The following NLRP10 variants were observed in gnomAD, a reference collection of about 807,000 sequenced individuals.
NLRP10 encodes NACHT, LRR and PYD domains-containing protein 10.
Under a neutral mutation model 8.2 loss-of-function variants are expected in NLRP10, and 7 were observed. That is an observed-to-expected ratio of 0.85 (90% CI 0.48 to 1.60). NLRP10 has a LOEUF of 1.60. NLRP10 is among the 40% of genes most tolerant of loss of function. NLRP10 has a pLI of 0.00. For synonymous variants in NLRP10, 338 were observed against 314.0 expected, an observed-to-expected ratio of 1.08 and a Z score of -0.81; for missense variants, 814 against 776.3, an observed-to-expected ratio of 1.05 and a Z score of -0.58.
intron 1 of NLRP10, among the ~76,000 whole-genome samples, chr11:7,963,884 C>T (rs1941777140): frequency 6.6e-6 from 1 of 151,094 alleles, no homozygotes; most frequent in Non-Finnish European, 1.5e-5. Flanking sequence ...CTGTATGCCT[C>T]CTTAGACGGA....
rs748911831 is a variant in NLRP10 at position 7,960,793 on chromosome 11, C to T, written c.819G>A (p.Leu273=). Residue 273 remains leucine (L), a synonymous_variant, in exon 3 of 3, where the codon CTG becomes CTA. Transcript: ENST00000691676. ...TATGTCTCCTAATTAGAAGGTGCAG[C>T]AGGCTCTCCTTGGGACTCAAACCCC... ...KKRGLSPKES[L]LHLLIRRHTL... is the part of the protein sequence containing the mutation. 3.1e-6 allele frequency: 5 copies of T among 1,614,004 alleles called. No individual in the cohort carries two copies. The African/African-American group carries it at 5.3e-5, about 17-fold the overall frequency.
chr11:7,961,394 A>T, intron 2 of NLRP10, 72 bp from the exon 3 acceptor site: 1 of 948,112 alleles, frequency 1.1e-6, no homozygotes, highest in Non-Finnish European at 1.6e-6. Flanking sequence ...CTCCAAACTG[A>T]CTCTGCTCAT....
chr11:7,958,239 G>T lies in NLRP10; in HGVS notation c.*1405C>A, dbSNP rs1941653189. Among the ~76,000 whole-genome samples, 1 of 152,154 alleles carries T rather than the reference G, an allele frequency of 6.6e-6. No homozygotes were observed. The highest frequency in any genetic ancestry group is 6.5e-5 in the Admixed American group (1 of 15,282). ...AACTCACTTGGGTTAATATCTAGGA[G>T]CATAATTGCTAGATCTTACATATAG... On this transcript the variant is annotated 3_prime_UTR_variant, in exon 3 of 3. Coordinates refer to ENST00000691676, the MANE Select transcript of NLRP10 (RefSeq NM_001391958.1).
chr11:7,961,591 T>A (rs1941731552), intron 2 of NLRP10, among the ~76,000 whole-genome samples: 1 of 152,194 alleles, frequency 6.6e-6, no homozygotes, highest in Admixed American at 6.5e-5. Flanking sequence ...GGTATCCACA[T>A]GTGCTCGTGG....
At chr11:7,961,873 GGGCCTAGT>G (rs1026645436) in intron 2 of NLRP10, among the ~76,000 whole-genome samples, 1 of 152,192 alleles carries the variant, frequency 6.6e-6, no homozygotes, top group African/African-American at 2.4e-5. Flanking sequence ...GTTGGAGGCA[GGGCCTAGT>G]GGGAGTTGTT....
chr11:7,960,485 T>A lies in NLRP10; in HGVS notation c.1127A>T (p.Glu376Val). 1.2e-6 allele frequency: 2 copies of A among 1,614,142 alleles called. No individual in the cohort carries two copies. The highest frequency in any genetic ancestry group is 1.7e-6 in the Non-Finnish European group (2 of 1,180,024). ...GQMERGKVVL[E>V]TPRNSTDIFM... is the part of the protein sequence containing the mutation. ...GATGTCAGTGCTGTTTCTAGGTGTCTCTAAGACAACTTTGCCTCTCTCCAT... is the reference window on the plus strand; with the variant it reads ...GATGTCAGTGCTGTTTCTAGGTGTCACTAAGACAACTTTGCCTCTCTCCAT... The change falls in exon 3 of 3, where the codon GAG becomes GTG. Residue 376 changes from glutamate (E) to valine (V), a missense_variant. Transcript: ENST00000691676.
rs1302605892 is a variant in NLRP10, at chr11:7,960,546, T to A, written c.1066A>T (p.Ile356Phe). 9 of 1,614,036 alleles carry A rather than the reference T, an allele frequency of 5.6e-6. No homozygotes were observed. Among genetic ancestry groups the A allele is most frequent in the Non-Finnish European group, 7.6e-6 (9 of 1,180,042 alleles). Residue 356 changes from isoleucine to phenylalanine, a missense_variant, in exon 3 of 3, where the codon ATT becomes TTT. Transcript: ENST00000691676. Reference protein sequence around the residue: ...ILYKACQVPGICWVVCSWLQG... With the variant: ...ILYKACQVPGFCWVVCSWLQG... ...AGCCAGGAGCAGACCACCCAGCAAA[T>A]GCCTGGAACCTGACACGCTTTGTAG...
Position 7,959,840 on chromosome 11 carries a change from G to C in NLRP10, c.1772C>G (p.Ser591Ter), listed in dbSNP as rs781634786. Residue 591 changes from serine (S) to a stop codon, truncating the protein, a stop_gained, in exon 3 of 3, where the codon TCA becomes TGA. Coordinates refer to ENST00000691676, the MANE Select transcript of NLRP10 (RefSeq NM_001391958.1). LOFTEE classifies it low-confidence loss of function (END_TRUNC). ...MNNVSFKIKH[S>*]NEKKSQSQNL... ...CTGGCTCTGTGATTTCTTTTCATTTGAATGTTTTATCTTGAATGATACATT... is the reference window on the plus strand; with the variant it reads ...CTGGCTCTGTGATTTCTTTTCATTTCAATGTTTTATCTTGAATGATACATT... 9.9e-6 allele frequency: 16 copies of C among 1,613,494 alleles called. No individual in the cohort carries two copies. The highest frequency in any genetic ancestry group is 3.3e-5 in the Admixed American group (2 of 59,928).
In NLRP10 at chr11:7,960,841, G is replaced by C. The variant is rs776307113; in HGVS notation, c.771C>G (p.Pro257=). ...CCCTCTTCTTCAACTTTTCTTCAAAGGGCCTCTGCAGCTCATCAAAGCCAT... is the reference window on the plus strand; with the variant it reads ...CCCTCTTCTTCAACTTTTCTTCAAACGGCCTCTGCAGCTCATCAAAGCCAT... ...ILDGFDELQR[P]FEEKLKKRGL... is the part of the protein sequence containing the mutation. Residue 257 remains proline (P), a synonymous_variant, in exon 3 of 3, where the codon CCC becomes CCG. Transcript: ENST00000691676. 6.7e-5 allele frequency: 108 copies of C among 1,614,090 alleles called. No individual in the cohort carries two copies. In the Admixed American group the frequency reaches 1.7e-3, roughly 26 times the overall value.
chr11:7,963,447 A>G lies in NLRP10; in HGVS notation c.49T>C (p.Leu17=). The part of the protein sequence containing the change: ...RKPREALLWA[L]SDLEENDFKK... ...AAATCGTTCTCCTCAAGGTCACTCA[A>G]GGCCCAGAGCAATGCCTCCCGGGGC... Residue 17 remains leucine (L), a synonymous_variant, in exon 2 of 3, where the codon TTG becomes CTG. Transcript: ENST00000691676. The G allele has an allele frequency of 6.2e-7, 1 of 1,614,098 alleles. No individual in the cohort carries two copies. The highest frequency in any genetic ancestry group is 8.5e-7 in the Non-Finnish European group (1 of 1,180,030).
rs1286019833 is a variant in NLRP10 at position 7,959,630 on chromosome 11, A to C, written c.*14T>G. On this transcript the variant is annotated 3_prime_UTR_variant, in exon 3 of 3. Transcript: ENST00000691676. ...CATTTTCCTCATAGAGATCTTGTAC[A>C]TATTTAATTAGGTTTATATGTAAGT... The C allele has an allele frequency of 1.5e-6, 2 of 1,305,658 alleles. No individual in the cohort carries two copies. Among genetic ancestry groups the C allele is most frequent in the African/African-American group, 3.0e-5 (2 of 67,302 alleles). 80.9% of individuals were successfully genotyped at this position (1,305,658 alleles called of 1,614,324 possible).
In NLRP10 at chr11:7,961,256, C is replaced by T. The variant is rs372646102; in HGVS notation, c.356G>A (p.Gly119Asp). ...LEEWQEAGVN[G>D]RYNQVLLVAK... ...CACCAGGAGCACCTGGTTGTATCTG[C>T]CATTGACTCCTGCTTCCTGCCATTC... Residue 119 changes from glycine to aspartate, a missense_variant, in exon 3 of 3, where the codon GGC becomes GAC. Coordinates refer to ENST00000691676, the MANE Select transcript of NLRP10 (RefSeq NM_001391958.1). 91 of 1,611,090 alleles carry T rather than the reference C, an allele frequency of 5.6e-5. No homozygotes were observed. Among genetic ancestry groups the T allele is most frequent in the Middle Eastern group, 3.3e-4 (2 of 6,058 alleles).
rs1442127677 is a variant in NLRP10 at position 7,960,396 on chromosome 11, G to A, written c.1216C>T (p.Arg406Trp). The A allele has an allele frequency of 1.2e-6, 2 of 1,613,972 alleles. No homozygotes were observed. Among genetic ancestry groups the A allele is most frequent in the African/African-American group, 1.3e-5 (1 of 75,032 alleles). Reference protein sequence around the residue: ...DDDGGCSELSRHRVLRSLCSL... With the variant: ...DDDGGCSELSWHRVLRSLCSL... ...CACAGACTCCTCAGGACCCTGTGCC[G>A]GGAAAGCTCGGAGCAGCCCCCATCA... is the stretch of plus-strand genomic sequence containing the variant. The change falls in exon 3 of 3, where the codon CGG becomes TGG. Residue 406 changes from arginine to tryptophan, a missense_variant. Physicochemically the swap from Arg to Trp is moderately radical, Grantham distance 101. Coordinates refer to ENST00000691676, the MANE Select transcript of NLRP10 (RefSeq NM_001391958.1).
Position 7,960,925 on chromosome 11 carries a change from G to A in NLRP10, c.687C>T (p.Asp229=), listed in dbSNP as rs745352696. The change falls in exon 3 of 3, where the codon GAC becomes GAT. Residue 229 remains aspartate (D), a synonymous_variant. Coordinates refer to ENST00000691676, the MANE Select transcript of NLRP10 (RefSeq NM_001391958.1). Reference sequence around the variant, plus strand: ...GAATCTCTGTGACAGGGGCTTGATTGTCCCCGCAGCACCAGAAAAGGAGCT... The same window carrying A: ...GAATCTCTGTGACAGGGGCTTGATTATCCCCGCAGCACCAGAAAAGGAGCT... ...LEQLLFWCCG[D]NQAPVTEILR... is the part of the protein sequence containing the mutation. 6.2e-7 allele frequency: 1 copy of A among 1,614,034 alleles called. No homozygotes were observed. Among genetic ancestry groups the A allele is most frequent in the African/African-American group, 1.3e-5 (1 of 74,898 alleles).
At chr11:7,961,904 G>C (rs535733942) in intron 2 of NLRP10, among the ~76,000 whole-genome samples, 3 of 152,262 alleles carry the variant, frequency 2.0e-5, no homozygotes, top group African/African-American at 4.8e-5. Context: ...TGTCATGGGG[G>C]CAAATCCCTC....
chr11:7,961,705 A>G (rs1941734426), intron 2 of NLRP10, among the ~76,000 whole-genome samples: 1 of 152,182 alleles, frequency 6.6e-6, no homozygotes, highest in African/African-American at 2.4e-5. Context: ...AGAATGCATG[A>G]ATGTCTGAGT....
At position 7,960,054 on chromosome 11, in the gene NLRP10, T is replaced by C; in HGVS notation, c.1558A>G (p.Ile520Val). 6.2e-7 allele frequency: 1 copy of C among 1,614,148 alleles called. No individual in the cohort carries two copies. Among genetic ancestry groups the C allele is most frequent in the Non-Finnish European group, 8.5e-7 (1 of 1,180,018 alleles). Residue 520 changes from isoleucine (I) to valine (V), a missense_variant, in exon 3 of 3, where the codon ATC becomes GTC. By Grantham distance (29) the Ile-to-Val change is conservative (BLOSUM62 3). Transcript: ENST00000691676. ...MTLTMQFLLD[I>V]SKKDSFSNLE... ...TTCGAGAAGCTGTCTTTTTTCGAGA[T>C]GTCCAGTAAAAACTGCATAGTGAGG...
Position 7,959,478 on chromosome 11 carries a change from G to A in NLRP10, c.*166C>T, listed in dbSNP as rs1201473747. The A allele has an allele frequency of 3.9e-6, 2 of 515,560 alleles. No individual in the cohort carries two copies. Among genetic ancestry groups the A allele is most frequent in the East Asian group, 6.3e-5 (2 of 31,600 alleles). 31.9% of individuals were successfully genotyped at this position (515,560 alleles called of 1,614,324 possible). On this transcript the variant is annotated 3_prime_UTR_variant, in exon 3 of 3. Transcript: ENST00000691676. ...ATTTGCTGGGATCTTGATTGGGATT[G>A]CATTGAATCTACAGATCAAACTGGG...
chr11:7,962,597 G>C (rs1264827347), intron 2 of NLRP10, among the ~76,000 whole-genome samples: 1 of 152,130 alleles, frequency 6.6e-6, no homozygotes, highest in African/African-American at 2.4e-5. Context: ...TTCTCAGAAA[G>C]AGCCATGACT....
Sources: allele counts gnomAD v4.1 joint callset (sites outside exome capture counted in the v4.1 genomes callset), GRCh38; gene constraint gnomAD v4.1.1; transcripts MANE v1.5; gene names NCBI Gene and HGNC (gene_info 2026-07-23, HGNC 2026-07-21).